Variants in SMC5 observed in about 807,000 individuals in gnomAD.
The protein encoded by SMC5 is structural maintenance of chromosomes 5, also known as structural maintenance of chromosomes protein 5.
Under a neutral mutation model 148.3 loss-of-function variants are expected in SMC5, and 88 were observed. The observed-to-expected ratio is 0.59, with a 90% CI of 0.50 to 0.71. The LOEUF (loss-of-function observed/expected upper bound fraction) is 0.71, where lower values mean the gene tolerates loss of function less well. Among genes scored for constraint, SMC5 ranks in the 30% least tolerant of loss-of-function variants. The probability of loss-of-function intolerance (pLI) is 0.00; values close to 1 mark genes in which losing one functional copy is unlikely to be tolerated. For missense variants in SMC5, 1,142 were observed against 1,298.9 expected (o/e 0.88, Z 1.86); for synonymous variants, 421 against 432.8 (o/e 0.97, Z 0.34).
chr9:70,327,213 T>C (rs945985805), intron 17 of SMC5, among the ~76,000 whole-genome samples: 2 of 152,088 alleles, frequency 1.3e-5, no homozygotes, highest in African/African-American at 4.8e-5. Flanking sequence ...GGAGAAGAAA[T>C]GTTTATATAA....
At chr9:70,301,043 CAA>C (rs1182945422) in intron 10 of SMC5, among the ~76,000 whole-genome samples, 2 of 151,874 alleles carry the variant, frequency 1.3e-5, no homozygotes, top group African/African-American at 4.8e-5. Flanking sequence ...CTTAAATTAG[CAA>C]AGTTAATATT....
chr9:70,279,847 G>A (rs2080135890), intron 5 of SMC5, among the ~76,000 whole-genome samples: 2 of 148,854 alleles, frequency 1.3e-5, no homozygotes, highest in Admixed American at 1.3e-4. Flanking sequence ...AAGGAAATCT[G>A]TTTTTCATTT....
At chr9:70,347,009 C>A in intron 19 of SMC5, 57 bp from the exon 20 acceptor site, 1 of 1,281,786 alleles carries the variant, frequency 7.8e-7, no homozygotes, top group Non-Finnish European at 1.1e-6. Flanking sequence ...TTTCTTTTAA[C>A]TATTTGAATG....
chr9:70,328,735 G>T (rs1180823203), intron 17 of SMC5, among the ~76,000 whole-genome samples: 3 of 152,212 alleles, frequency 2.0e-5, no homozygotes, highest in Admixed American at 1.3e-4. Context: ...CAGTGCCCCA[G>T]TGGGGACTCT....
chr9:70,310,668 C>A (rs1209923797), intron 11 of SMC5, among the ~76,000 whole-genome samples: 3 of 152,148 alleles, frequency 2.0e-5, no homozygotes, highest in African/African-American at 4.8e-5. Flanking sequence ...TCATTGATTT[C>A]TTTTCTCTAG....
intron 15 of SMC5, among the ~76,000 whole-genome samples, chr9:70,323,278 T>G (rs1049531910): frequency 6.6e-6 from 1 of 152,180 alleles, no homozygotes; most frequent in Admixed American, 6.6e-5. Context: ...TCTCCCCACT[T>G]TAGCTCCTTA....
At chr9:70,343,722 G>A (rs7043043) in intron 17 of SMC5, among the ~76,000 whole-genome samples, 98,610 of 151,914 alleles carry the variant, frequency 0.65, 32,529 homozygotes, top group Admixed American at 0.71. Flanking sequence ...AGGCTGAGGC[G>A]TGATAATCAC....
intron 11 of SMC5, among the ~76,000 whole-genome samples, chr9:70,309,731 A>G (rs2035610811): frequency 6.6e-6 from 1 of 152,180 alleles, no homozygotes; most frequent in African/African-American, 2.4e-5. Flanking sequence ...CTTCTTCCAC[A>G]GAAGTCGAAC....
At chr9:70,289,925 G>A (rs1017492495) in intron 8 of SMC5, among the ~76,000 whole-genome samples, 3 of 151,394 alleles carry the variant, frequency 2.0e-5, no homozygotes, top group Non-Finnish European at 4.4e-5. Context: ...GACATGTTGG[G>A]TATCTCTAAT....
intron 2 of SMC5, among the ~76,000 whole-genome samples, chr9:70,264,839 G>A (rs2034234208): frequency 6.6e-6 from 1 of 152,104 alleles, no homozygotes; most frequent in South Asian, 2.1e-4. Context: ...ACATAATAGA[G>A]AATATTTACA....
At chr9:70,324,504 A>G (rs1403204268) in intron 17 of SMC5, among the ~76,000 whole-genome samples, 1 of 152,188 alleles carries the variant, frequency 6.6e-6, no homozygotes, top group East Asian at 1.9e-4. Context: ...AAAACAGAAG[A>G]GAAGCTAGAA....
chr9:70,305,423 TAAATTCA>T, intron 11 of SMC5, 63 bp downstream of exon 11: 1 of 962,410 alleles, frequency 1.0e-6, no homozygotes, highest in Non-Finnish European at 1.6e-6. Flanking sequence ...CTTGAAGTTT[TAAATTCA>T]CTAGAGCAAA....
At chr9:70,332,247 T>G (rs1202159016) in intron 17 of SMC5, among the ~76,000 whole-genome samples, 1 of 152,086 alleles carries the variant, frequency 6.6e-6, no homozygotes, top group African/African-American at 2.4e-5. Flanking sequence ...CCCAGCTGAG[T>G]GTAGTGCCTC....
intron 2 of SMC5, among the ~76,000 whole-genome samples, chr9:70,266,030 C>G (rs529131278): frequency 6.6e-6 from 1 of 152,218 alleles, no homozygotes; most frequent in East Asian, 1.9e-4. Flanking sequence ...GTGCACTCAA[C>G]AACTGGAGAG....
chr9:70,273,101 A>G (rs2034495384), intron 3 of SMC5, among the ~76,000 whole-genome samples: 1 of 151,750 alleles, frequency 6.6e-6, no homozygotes, highest in Non-Finnish European at 1.5e-5. Flanking sequence ...TTTGTGAAAG[A>G]TATTTGTAGT....
rs750993006 is a variant in SMC5, at chr9:70,344,268, C to T, written c.2522C>T (p.Thr841Ile). Reference sequence around the variant, plus strand: ...CAGACTCTTCCTCAAGAATACCAGACAGTAAGTATAAAAAGTATATAATGC... The same window carrying T: ...CAGACTCTTCCTCAAGAATACCAGATAGTAAGTATAAAAAGTATATAATGC... ...AEQTLPQEYQTQVPTIPNGHN... is the reference protein window; with the variant it reads ...AEQTLPQEYQIQVPTIPNGHN... The change falls in exon 18 of 25, where the codon ACA becomes ATA. Residue 841 changes from threonine to isoleucine, a missense_variant and splice_region_variant. Thr to Ile is a moderately conservative substitution (Grantham distance 89). Coordinates refer to ENST00000361138, the MANE Select transcript of SMC5 (RefSeq NM_015110.4). 1 of 1,454,238 alleles carries T rather than the reference C, an allele frequency of 6.9e-7. No individual in the cohort carries two copies. The highest frequency in any genetic ancestry group is 9.1e-7 in the Non-Finnish European group (1 of 1,100,174). The allele number at this position is 1,454,238 out of a possible 1,614,324, so 90.1% of individuals were successfully genotyped here.
chr9:70,261,657 G>T (rs2034139900), intron 1 of SMC5, among the ~76,000 whole-genome samples: 1 of 152,180 alleles, frequency 6.6e-6, no homozygotes, highest in Admixed American at 6.5e-5. Flanking sequence ...ATGCATACAG[G>T]TGATTGATGA....
intron 3 of SMC5, among the ~76,000 whole-genome samples, chr9:70,274,584 T>G (rs996307643): frequency 2.0e-5 from 3 of 152,070 alleles, no homozygotes; most frequent in Non-Finnish European, 4.4e-5. Flanking sequence ...TCTGGAGTCT[T>G]TTAAGTAAAG....
chr9:70,314,788 A>C lies in SMC5; in HGVS notation c.1625A>C (p.Lys542Thr), dbSNP rs544056515. ...AGAGTAAATGCTGTTATTGCTCCCAAGAGTTCATATGCAGACAAAGCACCT... is the reference window on the plus strand; with the variant it reads ...AGAGTAAATGCTGTTATTGCTCCCACGAGTTCATATGCAGACAAAGCACCT... ...KLRVNAVIAPKSSYADKAPSR... is the reference protein window; with the variant it reads ...KLRVNAVIAPTSSYADKAPSR... Residue 542 changes from lysine to threonine, a missense_variant, in exon 12 of 25, where the codon AAG becomes ACG. Coordinates refer to ENST00000361138, the MANE Select transcript of SMC5 (RefSeq NM_015110.4). 6.3e-7 allele frequency: 1 copy of C among 1,579,292 alleles called. No individual in the cohort carries two copies. The highest frequency in any genetic ancestry group is 8.6e-7 in the Non-Finnish European group (1 of 1,161,962).
Sources: gnomAD v4.1 joint callset for allele counts (sites outside exome capture counted in the v4.1 genomes callset) on GRCh38, gnomAD v4.1.1 for gene constraint, MANE v1.5 for transcripts, NCBI Gene and HGNC (gene_info 2026-07-23, HGNC 2026-07-21) for gene names.